Variants in ACOXL observed in about 807,000 individuals in gnomAD.
ACOXL encodes the protein acyl-CoA oxidase like.
A neutral mutation model predicts 71.9 loss-of-function variants in ACOXL; 70 were observed. The observed-to-expected ratio is 0.97, with a 90% CI of 0.80 to 1.19. ACOXL has a LOEUF of 1.19. Among genes scored for constraint, ACOXL ranks in the 50% most tolerant of loss-of-function variants. The probability of loss-of-function intolerance (pLI) is 0.00; values close to 1 mark genes in which losing one functional copy is unlikely to be tolerated. For missense variants in ACOXL, 703 were observed against 736.3 expected (o/e 0.95, Z 0.52); for synonymous variants, 253 against 281.6 (o/e 0.90, Z 1.02).
chr2:110,841,114 A>G (rs923372367), intron 9 of ACOXL, among the ~76,000 whole-genome samples: 5 of 152,230 alleles, frequency 3.3e-5, no homozygotes, highest in South Asian at 4.1e-4. Flanking sequence ...AGCCATTCCT[A>G]TTGAGAGACA....
At chr2:111,075,129 T>C (rs1300514577) in intron 16 of ACOXL, among the ~76,000 whole-genome samples, 1 of 149,804 alleles carries the variant, frequency 6.7e-6, no homozygotes, top group Non-Finnish European at 1.5e-5. Flanking sequence ...GGTTCCCTCC[T>C]CTTCTGTTTC....
At chr2:110,957,944 G>A (rs777699891) in intron 12 of ACOXL, among the ~76,000 whole-genome samples, 4 of 151,294 alleles carry the variant, frequency 2.6e-5, no homozygotes, top group Non-Finnish European at 5.9e-5. Context: ...TGTAATCCCA[G>A]CTTACTCTGG....
At chr2:110,827,909 C>G (rs1401860713) in intron 9 of ACOXL, among the ~76,000 whole-genome samples, 1 of 152,186 alleles carries the variant, frequency 6.6e-6, no homozygotes, top group Non-Finnish European at 1.5e-5. Flanking sequence ...ATCTTCTTAA[C>G]TGCGATTTTT....
At chr2:111,040,176 T>G (rs2065711610) in intron 15 of ACOXL, among the ~76,000 whole-genome samples, 7 of 152,210 alleles carry the variant, frequency 4.6e-5, no homozygotes, top group Admixed American at 4.6e-4. Flanking sequence ...GTGGCAGCTG[T>G]GAGCAGCTGA....
chr2:110,784,349 A>G (rs1464795378), intron 2 of ACOXL, among the ~76,000 whole-genome samples: 1 of 152,134 alleles, frequency 6.6e-6, no homozygotes, highest in African/African-American at 2.4e-5. Context: ...TGTGGCACAC[A>G]TTGGAGGAGC....
intron 3 of ACOXL, among the ~76,000 whole-genome samples, chr2:110,786,034 G>A (rs1395225109): frequency 1.3e-5 from 2 of 152,152 alleles, no homozygotes; most frequent in African/African-American, 4.8e-5. Flanking sequence ...ACCAAGGAAG[G>A]CGAACAAAAT....
rs371411313 is a variant in ACOXL, at chr2:110,813,783, T to C, written c.753+8388T>C. Among the ~76,000 whole-genome samples, 7 of 152,202 alleles carry C rather than the reference T, an allele frequency of 4.6e-5. No homozygotes were observed. In the East Asian group the frequency reaches 1.3e-3, roughly 29 times the overall value. On this transcript the variant is annotated intron_variant, in intron 9 of 17. Coordinates refer to ENST00000439055, the MANE Select transcript of ACOXL (RefSeq NM_001142807.4). ...AAGCCACAGTCAAATAGTAACTCAC[T>C]TGTATTGAGTCCTTCCTGATCAGGG... is the stretch of plus-strand genomic sequence containing the variant.
At chr2:111,011,264 T>C (rs1336369117) in intron 14 of ACOXL, among the ~76,000 whole-genome samples, 1 of 152,118 alleles carries the variant, frequency 6.6e-6, no homozygotes, top group Non-Finnish European at 1.5e-5. Context: ...GACTATAGAT[T>C]GTAATATAGG....
chr2:110,838,694 C>G (rs1690758575), intron 9 of ACOXL, among the ~76,000 whole-genome samples: 1 of 152,240 alleles, frequency 6.6e-6, no homozygotes, highest in East Asian at 1.9e-4. Flanking sequence ...CCCACAAGAA[C>G]TTTTCTACAC....
At chr2:110,751,520 A>ATT (rs1678963850) in intron 1 of ACOXL, among the ~76,000 whole-genome samples, 2 of 152,114 alleles carry the variant, frequency 1.3e-5, no homozygotes, top group South Asian at 4.1e-4. Flanking sequence ...TTCCCCCTAA[A>ATT]TAACTCAGTG....
chr2:110,960,346 G>A (rs866392679), intron 12 of ACOXL, among the ~76,000 whole-genome samples: 1 of 152,232 alleles, frequency 6.6e-6, no homozygotes, highest in Non-Finnish European at 1.5e-5. Context: ...TTGACCCTCA[G>A]TAGTGGCCTC....
At chr2:110,787,533 CAAA>C (rs1175271772) in intron 3 of ACOXL, among the ~76,000 whole-genome samples, 3 of 53,618 alleles carry the variant, frequency 5.6e-5, no homozygotes, top group Admixed American at 1.8e-4. Flanking sequence ...GACTCCGTCT[CAAA>C]AAAAAAAAAA....
intron 16 of ACOXL, among the ~76,000 whole-genome samples, chr2:111,073,362 A>T (rs1376169513): frequency 6.6e-6 from 1 of 152,008 alleles, no homozygotes; most frequent in Non-Finnish European, 1.5e-5. Flanking sequence ...TTATCTCATT[A>T]TTTTTCTAAA....
intron 14 of ACOXL, among the ~76,000 whole-genome samples, chr2:111,028,652 A>G (rs546624116): frequency 1.3e-5 from 2 of 152,204 alleles, no homozygotes; most frequent in African/African-American, 2.4e-5. Flanking sequence ...GCAGGAAAGT[A>G]TTTTTTTAAT....
chr2:110,915,577 C>T (rs1302715849), intron 11 of ACOXL, among the ~76,000 whole-genome samples: 1 of 151,368 alleles, frequency 6.6e-6, no homozygotes, highest in Non-Finnish European at 1.5e-5. Context: ...GCAACTGCAA[C>T]CACACCCAGC....
intron 10 of ACOXL, among the ~76,000 whole-genome samples, chr2:110,901,679 C>T (rs1271389662): frequency 6.6e-6 from 1 of 150,862 alleles, no homozygotes; most frequent in Non-Finnish European, 1.5e-5. Flanking sequence ...CACACATATA[C>T]ACTCACTTAC....
At chr2:110,850,957 T>C (rs7588925) in intron 10 of ACOXL, among the ~76,000 whole-genome samples, 102,289 of 152,114 alleles carry the variant, frequency 0.67, 35,196 homozygotes, top group South Asian at 0.81. Context: ...GTCACTTCCA[T>C]ACAGTGAGAT....
At chr2:110,921,453 C>A (rs376109789) in intron 11 of ACOXL, among the ~76,000 whole-genome samples, 5 of 125,776 alleles carry the variant, frequency 4.0e-5, no homozygotes. Context: ...AGTGCAGTGG[C>A]GCCATCTCAG....
chr2:110,904,736 C>G (rs1338777638), intron 10 of ACOXL, among the ~76,000 whole-genome samples: 2 of 151,980 alleles, frequency 1.3e-5, no homozygotes, highest in Non-Finnish European at 2.9e-5. Context: ...TGGGCAAGAG[C>G]CTTTATTGTG....
Sources: allele counts gnomAD v4.1 joint callset (sites outside exome capture counted in the v4.1 genomes callset), GRCh38; gene constraint gnomAD v4.1.1; transcripts MANE v1.5; gene names NCBI Gene and HGNC (gene_info 2026-07-23, HGNC 2026-07-21).